MAST4: variants seen among roughly 807,000 people sequenced by gnomAD.
The protein encoded by MAST4 is microtubule-associated serine/threonine-protein kinase 4.
A neutral mutation model predicts 162.7 loss-of-function variants in MAST4; 89 were observed. The ratio of observed to expected loss-of-function variants is 0.55; its 90% CI spans 0.46 to 0.65. The LOEUF (loss-of-function observed/expected upper bound fraction) is 0.65, where lower values mean the gene tolerates loss of function less well. Ranked by LOEUF, MAST4 falls within the 30% of genes least tolerant of loss-of-function variation. The pLI, the probability that MAST4 is intolerant of heterozygous loss-of-function variation, is 0.00. For missense variants in MAST4, 3,153 were observed against 3,374.0 expected (o/e 0.93, Z 1.62); for synonymous variants, 1,479 against 1,361.1 (o/e 1.09, Z -1.91).
chr5:66,712,888 A>G (rs910295371), intron 1 of MAST4, among the ~76,000 whole-genome samples: 3 of 152,212 alleles, frequency 2.0e-5, no homozygotes, highest in African/African-American at 7.2e-5. Context: ...TACGTTAGGG[A>G]AAGTTGATTT....
intron 1 of MAST4, among the ~76,000 whole-genome samples, chr5:66,704,688 G>T (rs769805232): frequency 6.6e-6 from 1 of 151,880 alleles, no homozygotes; most frequent in Admixed American, 6.6e-5. Flanking sequence ...TTTTAGCAGA[G>T]ACAGGGTTTC....
intron 1 of MAST4, among the ~76,000 whole-genome samples, chr5:66,683,430 G>A (rs952158165): frequency 8.5e-5 from 13 of 152,122 alleles, no homozygotes; most frequent in Admixed American, 4.6e-4. Flanking sequence ...CTAGCATCTA[G>A]CACCTGACCT....
chr5:67,011,700 G>C (rs1752689423), intron 4 of MAST4, among the ~76,000 whole-genome samples: 1 of 152,136 alleles, frequency 6.6e-6, no homozygotes, highest in Non-Finnish European at 1.5e-5. Flanking sequence ...GCAGATTCTG[G>C]GCATCTAAGG....
At chr5:67,093,374 C>A (rs950074032) in intron 6 of MAST4, among the ~76,000 whole-genome samples, 2 of 152,162 alleles carry the variant, frequency 1.3e-5, no homozygotes, top group Admixed American at 6.6e-5. Context: ...ACATTGTTAG[C>A]AGGATTGTAC....
chr5:66,678,577 C>T (rs1354664494), intron 1 of MAST4, among the ~76,000 whole-genome samples: 3 of 152,026 alleles, frequency 2.0e-5, no homozygotes, highest in African/African-American at 7.2e-5. Flanking sequence ...TCACTGCAAC[C>T]TCTGCCTCCT....
At chr5:66,985,727 G>C (rs1258610933) in intron 4 of MAST4, among the ~76,000 whole-genome samples, 2 of 152,132 alleles carry the variant, frequency 1.3e-5, no homozygotes, top group Non-Finnish European at 2.9e-5. Context: ...GGGTGGGAAA[G>C]GGAATCAAAA....
chr5:66,967,823 G>A (rs1746935232), intron 4 of MAST4, among the ~76,000 whole-genome samples: 1 of 151,970 alleles, frequency 6.6e-6, no homozygotes, highest in Non-Finnish European at 1.5e-5. Flanking sequence ...GTGACAGAGA[G>A]CATCTTCAAG....
chr5:66,685,261 TCAAA>T (rs1561261030), intron 1 of MAST4, among the ~76,000 whole-genome samples: 6 of 100,684 alleles, frequency 6.0e-5, no homozygotes, highest in Admixed American at 2.1e-4. Context: ...AGACCTTGTC[TCAAA>T]CAAAACAAAA....
At chr5:66,779,351 G>A (rs1754745880) in intron 2 of MAST4, among the ~76,000 whole-genome samples, 1 of 150,142 alleles carries the variant, frequency 6.7e-6, no homozygotes, top group Non-Finnish European at 1.5e-5. Context: ...TTAGAGTCAC[G>A]ACTCTGCTTT....
intron 1 of MAST4, among the ~76,000 whole-genome samples, chr5:66,745,972 G>A (rs1027050185): frequency 3.9e-5 from 6 of 152,200 alleles, no homozygotes; most frequent in Admixed American, 2.0e-4. Flanking sequence ...AGGAAGCACA[G>A]CACATAGGCA....
intron 1 of MAST4, among the ~76,000 whole-genome samples, chr5:66,700,208 C>T (rs753316907): frequency 4.6e-5 from 7 of 151,998 alleles, no homozygotes; most frequent in African/African-American, 1.2e-4. Context: ...AACTGTAGTT[C>T]GAAAAGCAGA....
intron 1 of MAST4, among the ~76,000 whole-genome samples, chr5:66,735,253 A>G (rs566139225): frequency 2.8e-4 from 43 of 152,360 alleles, no homozygotes; most frequent in African/African-American, 9.9e-4. Context: ...TATATTCAGA[A>G]TTAATCATAC....
At chr5:67,114,038 A>G in intron 11 of MAST4, 49 bp from the exon 12 acceptor site, 1 of 1,608,624 alleles carries the variant, frequency 6.2e-7, no homozygotes, top group Non-Finnish European at 8.5e-7. Flanking sequence ...ATAAAACCTC[A>G]GACAATTTTG....
At chr5:67,121,562 G>C (rs932143743) in intron 14 of MAST4, among the ~76,000 whole-genome samples, 1 of 151,538 alleles carries the variant, frequency 6.6e-6, no homozygotes. Context: ...AATAAGTCTG[G>C]TTGAAGATTT....
intron 4 of MAST4, among the ~76,000 whole-genome samples, chr5:67,014,773 C>G (rs1369288202): frequency 3.3e-5 from 5 of 152,190 alleles, no homozygotes; most frequent in Non-Finnish European, 7.4e-5. Flanking sequence ...ATAGCCATGG[C>G]CAAAATGCCA....
At chr5:66,851,740 T>C (rs1759328304) in intron 3 of MAST4, among the ~76,000 whole-genome samples, 1 of 152,236 alleles carries the variant, frequency 6.6e-6, no homozygotes, top group South Asian at 2.1e-4. Context: ...CAGCGTTTCC[T>C]TGGTGCAGAC....
chr5:66,697,019 A>G (rs1329803678), intron 1 of MAST4, among the ~76,000 whole-genome samples: 2 of 152,336 alleles, frequency 1.3e-5, no homozygotes, highest in African/African-American at 4.8e-5. Flanking sequence ...GCACAATGAA[A>G]TATGGTTGTC....
intron 1 of MAST4, among the ~76,000 whole-genome samples, chr5:66,639,637 G>T (rs1745353158): frequency 1.3e-5 from 2 of 152,016 alleles, no homozygotes; most frequent in Admixed American, 6.6e-5. Context: ...AATAGTATTA[G>T]TTTCACTATT....
At chr5:66,921,450 T>C (rs1177824122) in intron 4 of MAST4, among the ~76,000 whole-genome samples, 1 of 151,874 alleles carries the variant, frequency 6.6e-6, no homozygotes, top group Non-Finnish European at 1.5e-5. Context: ...GATGAAAAAA[T>C]AGTACAACTA....
Sources: gnomAD v4.1 joint callset for allele counts (sites outside exome capture counted in the v4.1 genomes callset) on GRCh38, gnomAD v4.1.1 for gene constraint, MANE v1.5 for transcripts, NCBI Gene and HGNC (gene_info 2026-07-23, HGNC 2026-07-21) for gene names.